PITPNM3: variants seen among roughly 807,000 people sequenced by gnomAD.
PITPNM3 encodes PITPNM family member 3, also known as membrane-associated phosphatidylinositol transfer protein 3.
In PITPNM3, 26 loss-of-function variants were observed where a neutral mutation model predicts 102.0. The observed-to-expected ratio is 0.25, with a 90% CI of 0.19 to 0.35. The LOEUF (loss-of-function observed/expected upper bound fraction) is 0.35, where lower values mean the gene tolerates loss of function less well. PITPNM3 is among the 10% of genes least tolerant of loss of function. PITPNM3 has a pLI of 1.00. For missense variants in PITPNM3, 1,083 were observed against 1,346.1 expected, an observed-to-expected ratio of 0.80 and a Z score of 3.06; for synonymous variants, 578 against 558.6, an observed-to-expected ratio of 1.03 and a Z score of -0.49.
At chr17:6,543,762 C>A (rs558217492) in intron 1 of PITPNM3, among the ~76,000 whole-genome samples, 62 of 152,228 alleles carry the variant, frequency 4.1e-4, no homozygotes, top group African/African-American at 1.3e-3. Flanking sequence ...GTCTGTCCCG[C>A]GGCAAGTGGA....
chr17:6,549,283 C>A (rs951200216), intron 1 of PITPNM3, among the ~76,000 whole-genome samples: 3 of 152,212 alleles, frequency 2.0e-5, no homozygotes, highest in Non-Finnish European at 1.5e-5. Flanking sequence ...CAGCCACAGA[C>A]TGAACCCCAA....
chr17:6,483,902 C>T, intron 5 of PITPNM3, 150 bp from the exon 6 acceptor site: 1 of 768,884 alleles, frequency 1.3e-6, no homozygotes, highest in Non-Finnish European at 2.2e-6. Context: ...GCACTATGTC[C>T]AGCCTGTCTC....
At chr17:6,504,495 C>G (rs1181810560) in intron 3 of PITPNM3, among the ~76,000 whole-genome samples, 1 of 152,226 alleles carries the variant, frequency 6.6e-6, no homozygotes, top group African/African-American at 2.4e-5. Context: ...CCCCTGAATC[C>G]TGGGGTCATG....
chr17:6,539,220 C>T (rs1437162103), intron 1 of PITPNM3, among the ~76,000 whole-genome samples: 4 of 152,150 alleles, frequency 2.6e-5, no homozygotes, highest in African/African-American at 9.7e-5. Context: ...CTGTCTCTAC[C>T]AGTGTGAGCT....
intron 1 of PITPNM3, among the ~76,000 whole-genome samples, chr17:6,543,982 G>C (rs1909870293): frequency 6.6e-6 from 1 of 152,204 alleles, no homozygotes. Context: ...GAGCATCGGG[G>C]CAAAGGAGGG....
chr17:6,480,558 C>A (rs1905605656), intron 6 of PITPNM3: 1 of 152,332 alleles, frequency 6.6e-6, no homozygotes, highest in Non-Finnish European at 1.5e-5. Context: ...GCTCCGGAGC[C>A]CCGGGGTATG....
At chr17:6,476,504 A>C (rs1232896118) in intron 9 of PITPNM3, among the ~76,000 whole-genome samples, 1 of 152,232 alleles carries the variant, frequency 6.6e-6, no homozygotes, top group African/African-American at 2.4e-5. Flanking sequence ...CCTGGCCCAT[A>C]AACAAAAGTG....
chr17:6,477,233 A>T lies in PITPNM3; in HGVS notation c.901-20T>A, dbSNP rs764501411. ...GGTGTCCTTTGGGACCGAACAGGGG[A>T]CAGGAGAGAAAAAGACTGTTGTCAC... On this transcript the variant is annotated intron_variant, in intron 8 of 19. Coordinates refer to ENST00000262483, the MANE Select transcript of PITPNM3 (RefSeq NM_031220.4). 2 of 1,612,290 alleles carry T rather than the reference A, an allele frequency of 1.2e-6. No homozygotes were observed. The highest frequency in any genetic ancestry group is 3.3e-5 in the Admixed American group (2 of 60,006).
intron 4 of PITPNM3, among the ~76,000 whole-genome samples, chr17:6,490,108 G>A: frequency 6.6e-6 from 1 of 152,146 alleles, no homozygotes; most frequent in East Asian, 1.9e-4. Context: ...GCTGTGATGT[G>A]GGATTCATCC....
At chr17:6,540,369 T>A (rs1909665970) in intron 1 of PITPNM3, among the ~76,000 whole-genome samples, 1 of 152,152 alleles carries the variant, frequency 6.6e-6, no homozygotes, top group Admixed American at 6.5e-5. Flanking sequence ...CTTCCTACAC[T>A]ATGTCCTCCT....
chr17:6,462,022 T>C (rs936481143), intron 17 of PITPNM3, among the ~76,000 whole-genome samples: 26 of 151,928 alleles, frequency 1.7e-4, no homozygotes, highest in Non-Finnish European at 3.2e-4. Flanking sequence ...CCTCTTTCCC[T>C]CCACCCCTAC....
chr17:6,541,976 C>G (rs1433085079), intron 1 of PITPNM3, among the ~76,000 whole-genome samples: 1 of 152,258 alleles, frequency 6.6e-6, no homozygotes, highest in Non-Finnish European at 1.5e-5. Flanking sequence ...GAATCCCCAC[C>G]TTACAGCTAA....
Position 6,476,988 on chromosome 17 carries a change from C to G in PITPNM3, c.1085+41G>C, listed in dbSNP as rs114603396. 1,262 of 1,608,724 alleles carry G rather than the reference C, an allele frequency of 7.8e-4. 5 individuals are homozygous for G. In the African/African-American group the frequency reaches 0.015, roughly 19 times the overall value. On this transcript the variant is annotated intron_variant, in intron 9 of 19. Coordinates refer to ENST00000262483, the MANE Select transcript of PITPNM3 (RefSeq NM_031220.4). ...CTGGTCACAGCCCTCCCAGTTGGCT[C>G]TGAGCCAAGGTCTTCTTGCTTCTGG...
rs1355813237 is a variant in PITPNM3 at position 6,455,659 on chromosome 17, G to A, written c.2620-16C>T. ...CGCTCAGGAACTGCGGAGGGCAGGG[G>A]AGGGCAGGGGAGGGCAGGGCAGGGC... On this transcript the variant is annotated splice_polypyrimidine_tract_variant and intron_variant, in intron 19 of 19. Coordinates refer to ENST00000262483, the MANE Select transcript of PITPNM3 (RefSeq NM_031220.4). The A allele has an allele frequency of 1.3e-6, 2 of 1,534,572 alleles. No homozygotes were observed. Among genetic ancestry groups the A allele is most frequent in the South Asian group, 1.1e-5 (1 of 88,470 alleles).
intron 1 of PITPNM3, among the ~76,000 whole-genome samples, chr17:6,542,803 G>C (rs946537283): frequency 1.3e-5 from 2 of 152,200 alleles, no homozygotes; most frequent in Non-Finnish European, 2.9e-5. Flanking sequence ...CAAGGCCTCA[G>C]AGCTCTATCT....
chr17:6,466,162 C>G (rs1177842261), intron 14 of PITPNM3, among the ~76,000 whole-genome samples: 1 of 152,214 alleles, frequency 6.6e-6, no homozygotes, highest in Admixed American at 6.5e-5. Context: ...CGCTGTCCCG[C>G]CCCCCACACT....
At position 6,556,554 on chromosome 17, in the gene PITPNM3, C is replaced by A. The variant is rs1490727836; in HGVS notation, c.-148G>T. The A allele has an allele frequency of 8.5e-6, 3 of 352,840 alleles. No homozygotes were observed. Among genetic ancestry groups the A allele is most frequent in the South Asian group, 1.0e-4 (1 of 9,702 alleles). The allele number at this position is 352,840 out of a possible 1,614,324, so 21.9% of individuals were successfully genotyped here. ...TCGGCTGCCGCCACCGCAGCCGCCG[C>A]CGCCTCGCCGCTCCCTCCCGCTCCC... On this transcript the variant is annotated 5_prime_UTR_variant, in exon 1 of 20. Transcript: ENST00000262483. The surrounding 1 kb of genome is among the most constrained non-coding windows in gnomAD (Gnocchi z 5.2).
rs1597358402 is a variant in PITPNM3 at position 6,458,243 on chromosome 17, T to TC, written c.2491-522dup. Among the ~76,000 whole-genome samples the TC allele has an allele frequency of 6.6e-6, 1 of 151,992 alleles. No individual in the cohort carries two copies. The highest frequency in any genetic ancestry group is 2.4e-5 in the African/African-American group (1 of 41,368). On this transcript the variant is annotated intron_variant, in intron 18 of 19. Transcript: ENST00000262483. The surrounding 1 kb of genome is among the most constrained non-coding windows in gnomAD (Gnocchi z 5.1). The stretch of plus-strand genomic sequence containing the variant: ...AGGTCCGTCTTGCTCCAGGGGCACT[T>TC]CCAGACCATCACCCTTCCCTCCCCT...
rs1040531271 is a variant in PITPNM3, at chr17:6,454,648, G to C, written c.*690C>G. 2.0e-5 allele frequency: 3 copies of C among 152,458 alleles called. No individual in the cohort carries two copies. Among genetic ancestry groups the C allele is most frequent in the African/African-American group, 7.2e-5 (3 of 41,466 alleles). The allele number at this position is 152,458 out of a possible 1,614,324, so 9.4% of individuals were successfully genotyped here. On this transcript the variant is annotated 3_prime_UTR_variant, in exon 20 of 20. Transcript: ENST00000262483. ...AGGGCATGAGGCAGGGCTCCGGGAA[G>C]AGGAAGCCCTGGCCTCCAGGGCCAC...
Sources: gnomAD v4.1 joint callset for allele counts (sites outside exome capture counted in the v4.1 genomes callset) on GRCh38, gnomAD v4.1.1 for gene constraint, Gnocchi (gnomAD v3.1) non-coding constraint, MANE v1.5 for transcripts, NCBI Gene and HGNC (gene_info 2026-07-23, HGNC 2026-07-21) for gene names.